The following SLC24A3 variants were observed in gnomAD, a reference collection of about 807,000 sequenced individuals.
SLC24A3 encodes the protein solute carrier family 24 member 3, also known as sodium/potassium/calcium exchanger 3.
SLC24A3 carries 28 observed loss-of-function variants against 75.8 expected under a neutral mutation model. The ratio of observed to expected loss-of-function variants is 0.37; its 90% CI spans 0.27 to 0.51. The LOEUF (loss-of-function observed/expected upper bound fraction) is 0.51, where lower values mean the gene tolerates loss of function less well. SLC24A3 is among the 20% of genes least tolerant of loss of function. The probability of loss-of-function intolerance (pLI) is 0.94; values close to 1 mark genes in which losing one functional copy is unlikely to be tolerated. For synonymous variants in SLC24A3, 372 were observed against 334.1 expected, an observed-to-expected ratio of 1.11 and a Z score of -1.24; for missense variants, 663 against 847.8, an observed-to-expected ratio of 0.78 and a Z score of 2.71.
chr20:19,406,489 T>G (rs1247996112), intron 2 of SLC24A3, among the ~76,000 whole-genome samples: 1 of 152,128 alleles, frequency 6.6e-6, no homozygotes, highest in East Asian at 1.9e-4. Flanking sequence ...TCAATCCAAT[T>G]CAATTCAAAA....
chr20:19,481,259 A>G (rs1345968491), intron 2 of SLC24A3, among the ~76,000 whole-genome samples: 1 of 152,190 alleles, frequency 6.6e-6, no homozygotes, highest in Admixed American at 6.5e-5. Context: ...GAAGATATTA[A>G]AGTTGTGATA....
rs1309466524 is a variant in SLC24A3, at chr20:19,663,278, T to TTTCATTG, written c.688-2582_688-2576dup. ...CCTGATTTCTAGTCCCTTTTGTTCATTTCATTGTTCTTTTCTGAGTCCTCT... is the reference window on the plus strand; with the variant it reads ...CCTGATTTCTAGTCCCTTTTGTTCATTTCATTGTTCATTGTTCTTTTCTGAGTCCTCT... On this transcript the variant is annotated intron_variant, in intron 7 of 16. Transcript: ENST00000328041. 2.0e-5 allele frequency among the ~76,000 whole-genome samples: 3 copies of TTTCATTG among 151,312 alleles called. No homozygotes were observed. In the East Asian group the frequency reaches 6.0e-4, roughly 30 times the overall value.
chr20:19,473,942 G>A (rs749499116), intron 2 of SLC24A3, among the ~76,000 whole-genome samples: 9 of 152,332 alleles, frequency 5.9e-5, no homozygotes, highest in Middle Eastern at 3.4e-3. Flanking sequence ...TCAGCAATCT[G>A]TCTGGATGCT....
At chr20:19,556,782 T>C (rs2030794478) in intron 3 of SLC24A3, among the ~76,000 whole-genome samples, 1 of 152,012 alleles carries the variant, frequency 6.6e-6, no homozygotes, top group Non-Finnish European at 1.5e-5. Context: ...CTTACTGACC[T>C]CAAACCCAAA....
chr20:19,296,103 A>G (rs1161978531), intron 2 of SLC24A3, among the ~76,000 whole-genome samples: 1 of 152,008 alleles, frequency 6.6e-6, no homozygotes, highest in African/African-American at 2.4e-5. Flanking sequence ...TATGTGTCCA[A>G]CAGTTTATCC....
At chr20:19,284,602 C>A in intron 2 of SLC24A3, 1 of 152,416 alleles carries the variant, frequency 6.6e-6, no homozygotes, top group Non-Finnish European at 1.5e-5. Context: ...TGTGTCCTGG[C>A]TGTCTGAGTT....
At chr20:19,380,924 G>A (rs1986169060) in intron 2 of SLC24A3, among the ~76,000 whole-genome samples, 1 of 152,118 alleles carries the variant, frequency 6.6e-6, no homozygotes, top group South Asian at 2.1e-4. Context: ...GGAGCCTTGG[G>A]GAATGACTTC....
At position 19,579,949 on chromosome 20, in the gene SLC24A3, C is replaced by T. The variant is rs1231698409; in HGVS notation, c.349-51C>T. On this transcript the variant is annotated intron_variant, in intron 3 of 16. Coordinates refer to ENST00000328041, the MANE Select transcript of SLC24A3 (RefSeq NM_020689.4). ...CAGAAGGTGGCTGGACGTTCATCTT[C>T]CTGGCTCTGCCTCACTCTAACTTTA... is the stretch of plus-strand genomic sequence containing the variant. 3 of 1,409,600 alleles carry T rather than the reference C, an allele frequency of 2.1e-6. No homozygotes were observed. The East Asian group carries it at 6.8e-5, about 32-fold the overall frequency. The allele number at this position is 1,409,600 out of a possible 1,614,324, so 87.3% of individuals were successfully genotyped here.
chr20:19,709,721 G>A (rs998903930), intron 15 of SLC24A3, among the ~76,000 whole-genome samples: 4 of 152,160 alleles, frequency 2.6e-5, no homozygotes, highest in Admixed American at 1.3e-4. Flanking sequence ...GTGCCTGGCA[G>A]AGTACAACAA....
At chr20:19,677,804 TAAAC>T (rs1157467578) in intron 9 of SLC24A3, among the ~76,000 whole-genome samples, 1 of 151,398 alleles carries the variant, frequency 6.6e-6, no homozygotes, top group Non-Finnish European at 1.5e-5. Context: ...GGTCAGCAGA[TAAAC>T]AAGTGAACAA....
chr20:19,304,348 G>A (rs1375811699), intron 2 of SLC24A3, among the ~76,000 whole-genome samples: 1 of 151,928 alleles, frequency 6.6e-6, no homozygotes, highest in Admixed American at 6.5e-5. Context: ...ACTTCTCGTA[G>A]TTTCCTCATC....
intron 6 of SLC24A3, among the ~76,000 whole-genome samples, chr20:19,593,939 C>T (rs1210390433): frequency 1.3e-5 from 2 of 152,208 alleles, no homozygotes; most frequent in Non-Finnish European, 2.9e-5. Flanking sequence ...GCCATTCACT[C>T]CTGAACCCCA....
At chr20:19,647,527 G>T (rs980843763) in intron 6 of SLC24A3, among the ~76,000 whole-genome samples, 4 of 152,186 alleles carry the variant, frequency 2.6e-5, no homozygotes, top group Admixed American at 6.5e-5. Flanking sequence ...GGAGCCAGGG[G>T]CACTGCAGGG....
chr20:19,426,737 T>C (rs1393948536), intron 2 of SLC24A3, among the ~76,000 whole-genome samples: 1 of 152,166 alleles, frequency 6.6e-6, no homozygotes, highest in Admixed American at 6.5e-5. Flanking sequence ...TTGTATTGGT[T>C]CTCTTGGGGA....
chr20:19,562,242 C>T (rs1398171633), intron 3 of SLC24A3, among the ~76,000 whole-genome samples: 1 of 152,146 alleles, frequency 6.6e-6, no homozygotes, highest in African/African-American at 2.4e-5. Flanking sequence ...AAGTGTAGGT[C>T]CTTCTCATTA....
intron 1 of SLC24A3, among the ~76,000 whole-genome samples, chr20:19,250,830 C>G (rs1982632021): frequency 6.6e-6 from 1 of 152,140 alleles, no homozygotes; most frequent in Non-Finnish European, 1.5e-5. Context: ...CACATATCAT[C>G]ATCCACAATC....
At chr20:19,279,039 C>G (rs1568576570) in intron 1 of SLC24A3, among the ~76,000 whole-genome samples, 1 of 152,224 alleles carries the variant, frequency 6.6e-6, no homozygotes, top group Non-Finnish European at 1.5e-5. Flanking sequence ...CCTGAGCCAG[C>G]AGTGATCAGG....
intron 1 of SLC24A3, among the ~76,000 whole-genome samples, chr20:19,259,050 C>T (rs964645283): frequency 5.3e-4 from 81 of 152,240 alleles, no homozygotes; most frequent in Admixed American, 4.3e-3. Context: ...AGTGATATCT[C>T]GAGGAAGGAT....
At chr20:19,652,200 A>T (rs2032214058) in intron 6 of SLC24A3, among the ~76,000 whole-genome samples, 1 of 152,132 alleles carries the variant, frequency 6.6e-6, no homozygotes, top group Non-Finnish European at 1.5e-5. Context: ...TTGTGGGTTT[A>T]TGTCCTGATC....
Sources: gnomAD v4.1 joint callset for allele counts (sites outside exome capture counted in the v4.1 genomes callset) on GRCh38, gnomAD v4.1.1 for gene constraint, MANE v1.5 for transcripts, NCBI Gene and HGNC (gene_info 2026-07-23, HGNC 2026-07-21) for gene names.